Variants in ERBB4 observed in about 807,000 individuals in gnomAD.
ERBB4 encodes the protein receptor tyrosine-protein kinase erbB-4.
A neutral mutation model predicts 158.0 loss-of-function variants in ERBB4; 42 were observed. The ratio of observed to expected loss-of-function variants is 0.27; its 90% CI spans 0.21 to 0.34. ERBB4 has a LOEUF of 0.34. Ranked by LOEUF, ERBB4 falls within the 10% of genes least tolerant of loss-of-function variation. ERBB4 has a pLI of 1.00. For synonymous variants in ERBB4, 583 were observed against 558.7 expected, an observed-to-expected ratio of 1.04 and a Z score of -0.61; for missense variants, 1,333 against 1,624.1, an observed-to-expected ratio of 0.82 and a Z score of 3.08.
intron 1 of ERBB4, among the ~76,000 whole-genome samples, chr2:212,176,369 G>T (rs903869751): frequency 6.6e-6 from 1 of 151,946 alleles, no homozygotes; most frequent in African/African-American, 2.4e-5. Flanking sequence ...CTCAAGATAG[G>T]ATTAATGTCC....
At chr2:212,292,824 T>G (rs1268290385) in intron 1 of ERBB4, among the ~76,000 whole-genome samples, 1 of 152,100 alleles carries the variant, frequency 6.6e-6, no homozygotes, top group Non-Finnish European at 1.5e-5. Flanking sequence ...TGAAAGTTCA[T>G]GTATCAATTA....
intron 1 of ERBB4, among the ~76,000 whole-genome samples, chr2:212,325,592 G>A (rs182690759): frequency 5.3e-5 from 8 of 150,604 alleles, no homozygotes; most frequent in African/African-American, 1.9e-4. Context: ...TGTTTAGTTC[G>A]AACTGTGGGG....
intron 3 of ERBB4, among the ~76,000 whole-genome samples, chr2:211,829,865 A>C (rs375741711): frequency 6.6e-6 from 1 of 152,318 alleles, no homozygotes; most frequent in African/African-American, 2.4e-5. Flanking sequence ...GACTTATCAT[A>C]AAAAATTATA....
intron 14 of ERBB4, among the ~76,000 whole-genome samples, chr2:211,666,634 A>T (rs992457189): frequency 2.6e-5 from 4 of 152,176 alleles, no homozygotes; most frequent in African/African-American, 9.7e-5. Flanking sequence ...GACTTCCCCG[A>T]TGCTTTCATA....
chr2:211,820,240 A>C (rs375763443), intron 3 of ERBB4, among the ~76,000 whole-genome samples: 1 of 152,064 alleles, frequency 6.6e-6, no homozygotes, highest in East Asian at 1.9e-4. Context: ...GCAACAACTG[A>C]GAATTAGGGA....
chr2:212,498,770 G>T (rs1247702959), intron 1 of ERBB4, among the ~76,000 whole-genome samples: 1 of 151,950 alleles, frequency 6.6e-6, no homozygotes, highest in African/African-American at 2.4e-5. Context: ...CTACAAAAAT[G>T]TGCTTTTCTT....
intron 3 of ERBB4, among the ~76,000 whole-genome samples, chr2:211,940,546 A>G (rs997533939): frequency 2.0e-5 from 3 of 152,146 alleles, no homozygotes; most frequent in African/African-American, 7.2e-5. Context: ...TTTCCTGAGA[A>G]ATTCCATAAT....
At chr2:212,510,077 T>C (rs903575197) in intron 1 of ERBB4, among the ~76,000 whole-genome samples, 1 of 150,542 alleles carries the variant, frequency 6.6e-6, no homozygotes, top group Non-Finnish European at 1.5e-5. Flanking sequence ...TACACTAACA[T>C]AAATAGTTAC....
At chr2:212,389,095 C>G (rs2090770774) in intron 1 of ERBB4, among the ~76,000 whole-genome samples, 1 of 152,082 alleles carries the variant, frequency 6.6e-6, no homozygotes, top group Non-Finnish European at 1.5e-5. Flanking sequence ...GGGGCAAAAT[C>G]TCAAAATTTC....
intron 20 of ERBB4, among the ~76,000 whole-genome samples, chr2:211,465,548 C>T (rs2064659202): frequency 6.6e-6 from 1 of 151,996 alleles, no homozygotes; most frequent in African/African-American, 2.4e-5. Context: ...ATCAGATGTT[C>T]ACCTACTTCA....
At chr2:212,447,918 A>G (rs2092387045) in intron 1 of ERBB4, among the ~76,000 whole-genome samples, 1 of 152,062 alleles carries the variant, frequency 6.6e-6, no homozygotes, top group African/African-American at 2.4e-5. Context: ...CCTTTCACAA[A>G]AAAAGCTCTT....
At chr2:212,244,327 G>A (rs978934257) in intron 1 of ERBB4, among the ~76,000 whole-genome samples, 25 of 152,066 alleles carry the variant, frequency 1.6e-4, no homozygotes, top group South Asian at 4.1e-4. Flanking sequence ...CCAAAAGACT[G>A]TTAGTTTTAC....
intron 3 of ERBB4, among the ~76,000 whole-genome samples, chr2:211,811,138 G>A (rs1251421502): frequency 6.6e-6 from 1 of 152,158 alleles, no homozygotes; most frequent in African/African-American, 2.4e-5. Flanking sequence ...GCATGTTTTT[G>A]CAGTGGCTCG....
chr2:212,238,248 C>T (rs142626282), intron 1 of ERBB4, among the ~76,000 whole-genome samples: 132 of 152,298 alleles, frequency 8.7e-4, no homozygotes, highest in Middle Eastern at 3.4e-3. Context: ...GTTGCGAAGA[C>T]TGTAGGAAAA....
At chr2:211,750,539 G>C in intron 5 of ERBB4, 100 bp downstream of exon 5, 1 of 1,001,888 alleles carries the variant, frequency 1.0e-6, no homozygotes, top group Admixed American at 1.8e-5. Flanking sequence ...GGAGGTGATA[G>C]CTCATTTCAT....
intron 1 of ERBB4, among the ~76,000 whole-genome samples, chr2:212,147,139 T>A (rs1244566890): frequency 7.0e-6 from 1 of 142,334 alleles, no homozygotes; most frequent in Non-Finnish European, 1.5e-5. Flanking sequence ...TACAGGGGCA[T>A]GCCACCATGC....
intron 1 of ERBB4, among the ~76,000 whole-genome samples, chr2:212,181,241 C>CTTTTCTAT (rs1367004431): frequency 6.6e-6 from 1 of 151,678 alleles, no homozygotes; most frequent in African/African-American, 2.4e-5. Context: ...TTATATTAAT[C>CTTTTCTAT]TTTTCTATTT....
chr2:211,709,254 C>CACATATATATATATATAT (rs1402744514), intron 9 of ERBB4, among the ~76,000 whole-genome samples: 12 of 101,538 alleles, frequency 1.2e-4, no homozygotes, highest in African/African-American at 4.7e-4. Flanking sequence ...TATATATACA[C>CACATATATATATATATAT]ATATATATAT....
At chr2:211,810,896 G>A (rs1363446944) in intron 3 of ERBB4, among the ~76,000 whole-genome samples, 2 of 151,424 alleles carry the variant, frequency 1.3e-5, no homozygotes, top group East Asian at 1.9e-4. Context: ...GGATGGTCTC[G>A]ATCTCCTGAC....
Sources: allele counts gnomAD v4.1 joint callset (sites outside exome capture counted in the v4.1 genomes callset), GRCh38; gene constraint gnomAD v4.1.1; transcripts MANE v1.5; gene names NCBI Gene and HGNC (gene_info 2026-07-23, HGNC 2026-07-21).